CTNNA2: variants seen among roughly 807,000 people sequenced by gnomAD.
CTNNA2 encodes the protein catenin alpha-2.
CTNNA2 carries 42 observed loss-of-function variants against 101.0 expected under a neutral mutation model. The observed-to-expected ratio is 0.42, with a 90% confidence interval of 0.32 to 0.54. The LOEUF is 0.54. CTNNA2 is among the 20% of genes least tolerant of loss of function. CTNNA2 has a pLI of 0.14. For missense variants in CTNNA2, 871 were observed against 1,223.1 expected, an observed-to-expected ratio of 0.71 and a Z score of 4.29; for synonymous variants, 450 against 456.4, an observed-to-expected ratio of 0.99 and a Z score of 0.18.
intron 3 of CTNNA2, among the ~76,000 whole-genome samples, chr2:79,821,921 A>G (rs578066906): frequency 6.6e-6 from 1 of 152,346 alleles, no homozygotes; most frequent in Admixed American, 6.5e-5. Context: ...TAAACATAAA[A>G]CTTAAGAAAA....
At chr2:79,948,994 T>A (rs4546030) in intron 7 of CTNNA2, among the ~76,000 whole-genome samples, 32,611 of 150,774 alleles carry the variant, frequency 0.22, 3,595 homozygotes, top group East Asian at 0.27. Context: ...ATAAATAAAA[T>A]AAATGGATAA....
chr2:79,344,619 C>T (rs997760149), intron 3 of CTNNA2, among the ~76,000 whole-genome samples: 3 of 151,728 alleles, frequency 2.0e-5, no homozygotes, highest in African/African-American at 7.3e-5. Context: ...CCCATCCAGG[C>T]CTTTTTTAAT....
intron 1 of CTNNA2, among the ~76,000 whole-genome samples, chr2:79,188,567 G>A (rs1673812185): frequency 6.6e-6 from 1 of 152,184 alleles, no homozygotes; most frequent in South Asian, 2.1e-4. Flanking sequence ...AGGCAAATGT[G>A]AGGTACAGAC....
chr2:80,435,088 T>A (rs1479500172), intron 9 of CTNNA2, among the ~76,000 whole-genome samples: 1 of 152,212 alleles, frequency 6.6e-6, no homozygotes, highest in Non-Finnish European at 1.5e-5. Flanking sequence ...CTCTGGCCTC[T>A]ACCCACTAGA....
At chr2:80,190,018 A>G in intron 7 of CTNNA2, among the ~76,000 whole-genome samples, 1 of 151,792 alleles carries the variant, frequency 6.6e-6, no homozygotes, top group East Asian at 1.9e-4. Context: ...CCATGAAAAA[A>G]AAATCTAATT....
chr2:79,866,285 T>C (rs1402368364), intron 4 of CTNNA2, among the ~76,000 whole-genome samples: 1 of 152,236 alleles, frequency 6.6e-6, no homozygotes, highest in African/African-American at 2.4e-5. Context: ...AGTGTCAGTC[T>C]TTTCAGCTTT....
chr2:79,784,451 A>C (rs1336832064), intron 3 of CTNNA2, among the ~76,000 whole-genome samples: 1 of 150,702 alleles, frequency 6.6e-6, no homozygotes, highest in African/African-American at 2.4e-5. Flanking sequence ...ATCTTTCCTG[A>C]GAACTACAGA....
intron 7 of CTNNA2, among the ~76,000 whole-genome samples, chr2:80,003,737 G>T (rs1574514668): frequency 6.6e-6 from 1 of 152,278 alleles, no homozygotes; most frequent in South Asian, 2.1e-4. Context: ...TCAAGATGTG[G>T]TCATCAAATC....
At chr2:80,125,449 T>C (rs557812200) in intron 7 of CTNNA2, among the ~76,000 whole-genome samples, 60 of 152,276 alleles carry the variant, frequency 3.9e-4, no homozygotes, top group African/African-American at 1.4e-3. Context: ...TATGGATAGA[T>C]TAGTTTTACC....
chr2:80,351,765 A>G (rs1673318209), intron 7 of CTNNA2, among the ~76,000 whole-genome samples: 1 of 152,126 alleles, frequency 6.6e-6, no homozygotes, highest in Non-Finnish European at 1.5e-5. Flanking sequence ...TGCTCTGGCC[A>G]AATTCGGTAC....
intron 9 of CTNNA2, among the ~76,000 whole-genome samples, chr2:80,469,660 T>C (rs531229309): frequency 6.6e-6 from 1 of 152,124 alleles, no homozygotes; most frequent in Non-Finnish European, 1.5e-5. Flanking sequence ...TGGATTTCAT[T>C]GCAGAGTTTA....
intron 1 of CTNNA2, among the ~76,000 whole-genome samples, chr2:79,582,488 C>T (rs1475307912): frequency 6.6e-6 from 1 of 152,102 alleles, no homozygotes; most frequent in East Asian, 1.9e-4. Context: ...TTTATCTCCG[C>T]ATGCTCAAAT....
At chr2:79,215,601 G>A (rs1674244600) in intron 2 of CTNNA2, among the ~76,000 whole-genome samples, 1 of 152,176 alleles carries the variant, frequency 6.6e-6, no homozygotes, top group South Asian at 2.1e-4. Context: ...GGGCTGTAAA[G>A]TGTCTCAGGG....
chr2:80,421,904 G>C (rs73941116), intron 9 of CTNNA2, among the ~76,000 whole-genome samples: 3 of 151,012 alleles, frequency 2.0e-5, no homozygotes, highest in African/African-American at 7.3e-5. Flanking sequence ...CTTAGTTTCT[G>C]TGTCTGTAAT....
intron 7 of CTNNA2, among the ~76,000 whole-genome samples, chr2:80,282,749 A>G (rs1260829584): frequency 2.0e-5 from 3 of 152,184 alleles, no homozygotes; most frequent in African/African-American, 7.2e-5. Flanking sequence ...TTGTTAATCA[A>G]AACAACACCT....
intron 2 of CTNNA2, among the ~76,000 whole-genome samples, chr2:79,237,940 C>CT (rs34591657): frequency 7.9e-5 from 12 of 152,174 alleles, no homozygotes; most frequent in Non-Finnish European, 1.2e-4. Flanking sequence ...GACTGTTTCA[C>CT]TTTTTTTACC....
rs940613037 is a variant in CTNNA2 at position 80,647,895 on chromosome 2, G to C, written c.*23G>C. 31 of 1,533,804 alleles carry C rather than the reference G, an allele frequency of 2.0e-5. No individual in the cohort carries two copies. Among genetic ancestry groups the C allele is most frequent in the Middle Eastern group, 1.8e-4 (1 of 5,684 alleles). On this transcript the variant is annotated 3_prime_UTR_variant, in exon 19 of 19. Transcript: ENST00000402739. ...TAGGACGATAGGTTTTAACAAGAAA[G>C]CTTTTTCTTTCTTTTCTTTCTTTCT...
At chr2:80,186,358 G>T (rs1706127316) in intron 7 of CTNNA2, among the ~76,000 whole-genome samples, 1 of 152,168 alleles carries the variant, frequency 6.6e-6, no homozygotes, top group Admixed American at 6.6e-5. Flanking sequence ...AATGGCCCAT[G>T]TGATTTGTCC....
chr2:79,321,907 C>T (rs951895519), intron 3 of CTNNA2, among the ~76,000 whole-genome samples: 2 of 152,134 alleles, frequency 1.3e-5, no homozygotes, highest in African/African-American at 2.4e-5. Context: ...TAGAGTCCCA[C>T]AAACCACAAG....
Sources: gnomAD v4.1 joint callset for allele counts (sites outside exome capture counted in the v4.1 genomes callset) on GRCh38, gnomAD v4.1.1 for gene constraint, MANE v1.5 for transcripts, NCBI Gene and HGNC (gene_info 2026-07-23, HGNC 2026-07-21) for gene names.